The following DNAH12 variants were observed in gnomAD, a reference collection of about 807,000 sequenced individuals.
DNAH12 encodes the protein axonemal beta dynein heavy chain 12.
DNAH12 carries 285 observed loss-of-function variants against 371.5 expected under a neutral mutation model. The observed-to-expected ratio is 0.77, with a 90% confidence interval of 0.70 to 0.85. The LOEUF is 0.85. DNAH12 is among the 40% of genes least tolerant of loss of function. DNAH12 has a pLI of 0.00. For synonymous variants in DNAH12, 1,200 were observed against 1,213.0 expected, an observed-to-expected ratio of 0.99 and a Z score of 0.22; for missense variants, 3,611 against 3,689.4, an observed-to-expected ratio of 0.98 and a Z score of 0.55.
In DNAH12 at chr3:57,415,552, A is replaced by G; in HGVS notation, c.5727T>C (p.Phe1909=). The G allele has an allele frequency of 6.5e-7, 1 of 1,539,008 alleles. No homozygotes were observed. Among genetic ancestry groups the G allele is most frequent in the African/African-American group, 1.4e-5 (1 of 72,314 alleles). The stretch of plus-strand genomic sequence containing the variant: ...ATTTTCCTGTACCCGTTGGACCCAC[A>G]AAAAGGAGTGGCCTTAATGAAAACA... ...LSITYAKPLL[F]VGPTGTGKSV... The change falls in exon 38 of 74, where the codon TTT becomes TTC. Residue 1909 remains phenylalanine, a synonymous_variant. Transcript: ENST00000495027.
At chr3:57,327,567 A>G (rs1242138193) in intron 62 of DNAH12, among the ~76,000 whole-genome samples, 52 of 152,192 alleles carry the variant, frequency 3.4e-4, no homozygotes, top group African/African-American at 9.2e-4. Flanking sequence ...GCAGTGTGTA[A>G]AGGGAAATTT....
At chr3:57,387,428 GGAT>G (rs2063517620) in intron 45 of DNAH12, among the ~76,000 whole-genome samples, 1 of 152,000 alleles carries the variant, frequency 6.6e-6, no homozygotes, top group Non-Finnish European at 1.5e-5. Context: ...AATGAAAAAA[GGAT>G]AATATAAAGG....
intron 58 of DNAH12, among the ~76,000 whole-genome samples, chr3:57,359,197 T>C (rs936999841): frequency 0.024 from 3,612 of 152,340 alleles, 66 homozygotes; most frequent in Admixed American, 0.035. Context: ...GCTTAAGAAA[T>C]ATAAATACAT....
rs1265784274 is a variant in DNAH12 at position 57,376,996 on chromosome 3, C to A, written c.8450G>T (p.Gly2817Val). Residue 2817 changes from glycine to valine, a missense_variant, in exon 53 of 74, where the codon GGT (glycine) becomes GTT (valine). This residue lies in a region of DNAH12 where 2,266 missense variants were observed against 2,236.9 expected (regional missense o/e 1.01). Transcript: ENST00000495027. ...ERASQLIGGL[G>V]GEKSRWAQAA... ...GAAATCTGACCTTGATTTTTCTCCA[C>A]CCAGTCCTCCAATTAATTGTGAGGC... is the stretch of plus-strand genomic sequence containing the variant. The A allele has an allele frequency of 6.6e-6, 1 of 152,186 alleles. No individual in the cohort carries two copies. Among genetic ancestry groups the A allele is most frequent in the African/African-American group, 2.4e-5 (1 of 41,452 alleles). The allele number at this position is 152,186 out of a possible 1,614,324, so 9.4% of individuals were successfully genotyped here.
rs1481667289 is a variant in DNAH12 at position 57,323,564 on chromosome 3, T to C, written c.10034A>G (p.Glu3345Gly). 2 of 1,550,448 alleles carry C rather than the reference T, an allele frequency of 1.3e-6. No individual in the cohort carries two copies. The highest frequency in any genetic ancestry group is 1.7e-6 in the Non-Finnish European group (2 of 1,146,672). Reference protein sequence around the residue: ...VTDKLGKKFVEPPPFDLTKSY... With the variant: ...VTDKLGKKFVGPPPFDLTKSY... ...CTTTGTCAAATCAAATGGTGGAGGC[T>C]CTACAAACTTTTTCCCTAGTTTGTC... The change falls in exon 63 of 74, where the codon GAG becomes GGG. Residue 3345 changes from glutamate (E) to glycine (G), a missense_variant. By Grantham distance (98) the Glu-to-Gly change is moderately conservative (BLOSUM62 -2). Transcript: ENST00000495027.
intron 39 of DNAH12, among the ~76,000 whole-genome samples, chr3:57,411,364 C>T (rs1484163214): frequency 1.3e-5 from 2 of 151,500 alleles, no homozygotes; most frequent in African/African-American, 4.8e-5. Context: ...CCTGTCTCTA[C>T]TAAAAACACA....
chr3:57,309,778 G>C lies in DNAH12; in HGVS notation c.10973C>G (p.Thr3658Arg), dbSNP rs2061550354. 4 of 1,551,376 alleles carry C rather than the reference G, an allele frequency of 2.6e-6. No individual in the cohort carries two copies. The highest frequency in any genetic ancestry group is 1.2e-5 in the South Asian group (1 of 84,038). Residue 3658 changes from threonine to arginine, a missense_variant, in exon 68 of 74, where the codon ACA (threonine) becomes AGA (arginine). Around this residue, in one of 3 missense-constraint regions of DNAH12, gnomAD observed 2,266 missense variants for 2,236.9 expected, o/e 1.01. Coordinates refer to ENST00000495027, the MANE Select transcript of DNAH12 (RefSeq NM_001366028.2). The stretch of plus-strand genomic sequence containing the variant: ...GAGCAAGGACTCAAAGAGGGTTTTT[G>C]TTTGTTGAAGATCCTTGGAGATGTC... ...NVDISKDLQQTKTLFESLLLT... is the reference protein window; with the variant it reads ...NVDISKDLQQRKTLFESLLLT...
chr3:57,540,672 G>A (rs568663856), intron 2 of DNAH12, among the ~76,000 whole-genome samples: 44 of 152,226 alleles, frequency 2.9e-4, no homozygotes, highest in African/African-American at 9.6e-4. Context: ...GCTCATGCCT[G>A]TAATTCCAGC....
At chr3:57,449,636 C>T (rs2065680886) in intron 25 of DNAH12, among the ~76,000 whole-genome samples, 1 of 152,214 alleles carries the variant, frequency 6.6e-6, no homozygotes, top group Non-Finnish European at 1.5e-5. Context: ...GCCGGCTGCT[C>T]AGAGTGCGGG....
At chr3:57,439,407 C>G (rs2065236358) in intron 29 of DNAH12, among the ~76,000 whole-genome samples, 1 of 152,152 alleles carries the variant, frequency 6.6e-6, no homozygotes, top group African/African-American at 2.4e-5. Flanking sequence ...ACACCTACAG[C>G]CACCTGATCT....
intron 35 of DNAH12, among the ~76,000 whole-genome samples, chr3:57,423,097 T>C (rs149607940): frequency 6.9e-4 from 105 of 152,302 alleles, no homozygotes; most frequent in African/African-American, 2.5e-3. Flanking sequence ...GAAAACCCAC[T>C]TTTGCCTTTT....
intron 34 of DNAH12, among the ~76,000 whole-genome samples, chr3:57,427,137 AAT>A (rs1491361437): frequency 1.4e-5 from 1 of 70,520 alleles, no homozygotes; most frequent in Non-Finnish European, 3.2e-5. Flanking sequence ...GTAAGAAGCG[AAT>A]GTGTGTGTGT....
rs1335543739 is a variant in DNAH12, at chr3:57,310,828, A to G, written c.10785T>C (p.Ala3595=). 1.3e-6 allele frequency: 2 copies of G among 1,551,682 alleles called. No individual in the cohort carries two copies. Among genetic ancestry groups the G allele is most frequent in the East Asian group, 4.9e-5 (2 of 40,906 alleles). ...WDRRLLLTML[A]DFYNLYIVEN... ...CAACTATGTACAGATTATAAAAGTC[A>G]GCCAGCATGGTTAATAGAAGACGTC... The change falls in exon 67 of 74, where the codon GCT becomes GCC. Residue 3595 remains alanine (A), a synonymous_variant. Transcript: ENST00000495027.
intron 4 of DNAH12, among the ~76,000 whole-genome samples, chr3:57,520,174 G>A (rs369857200): frequency 6.6e-6 from 1 of 151,906 alleles, no homozygotes; most frequent in South Asian, 2.1e-4. Flanking sequence ...GTGCAGTGGC[G>A]CAATCTCGGC....
chr3:57,473,175 T>C lies in DNAH12; in HGVS notation c.1651-504A>G, dbSNP rs151329574. Among the ~76,000 whole-genome samples, 285 of 152,216 alleles carry C rather than the reference T, an allele frequency of 1.9e-3. 3 individuals carry two copies. Among genetic ancestry groups the C allele is most frequent in the African/African-American group, 6.5e-3 (269 of 41,544 alleles). On this transcript the variant is annotated intron_variant, in intron 13 of 73. Coordinates refer to ENST00000495027, the MANE Select transcript of DNAH12 (RefSeq NM_001366028.2). ...CAATAGTCTAGAATATTGCGGTATGTAATAGTTCAGAAAGAGTTGAAGGTG... is the reference window on the plus strand; with the variant it reads ...CAATAGTCTAGAATATTGCGGTATGCAATAGTTCAGAAAGAGTTGAAGGTG...
chr3:57,358,252 A>G (rs1358298116), intron 58 of DNAH12, among the ~76,000 whole-genome samples: 1 of 152,222 alleles, frequency 6.6e-6, no homozygotes, highest in Non-Finnish European at 1.5e-5. Flanking sequence ...TGGCATTGGC[A>G]TTAGGAGTAA....
At chr3:57,303,488 T>G (rs1161026324) in intron 69 of DNAH12, among the ~76,000 whole-genome samples, 1 of 151,298 alleles carries the variant, frequency 6.6e-6, no homozygotes, top group Non-Finnish European at 1.5e-5. Context: ...CTCTGTTCAC[T>G]GCAGCCTCCA....
chr3:57,419,259 T>C, intron 37 of DNAH12, 108 bp downstream of exon 37: 1 of 1,138,222 alleles, frequency 8.8e-7, no homozygotes, highest in Admixed American at 3.9e-5. Flanking sequence ...TCCCCCAGGA[T>C]TTCAGTTACC....
chr3:57,426,969 C>G (rs969900026), intron 34 of DNAH12, among the ~76,000 whole-genome samples: 21 of 151,862 alleles, frequency 1.4e-4, no homozygotes, highest in African/African-American at 4.6e-4. Flanking sequence ...CTATAAGGGA[C>G]TTTGTCTATT....
Sources: allele counts gnomAD v4.1 joint callset (sites outside exome capture counted in the v4.1 genomes callset), GRCh38; gene constraint gnomAD v4.1.1; regional missense constraint gnomAD v4.1.1; transcripts MANE v1.5; gene names NCBI Gene and HGNC (gene_info 2026-07-23, HGNC 2026-07-21).